SIMC1: variants seen among roughly 807,000 people sequenced by gnomAD.
The protein encoded by SIMC1 is SUMO-interacting motif-containing protein 1.
SIMC1 carries 55 observed loss-of-function variants against 82.3 expected under a neutral mutation model. The observed-to-expected ratio is 0.67, with a 90% CI of 0.54 to 0.84. The LOEUF (loss-of-function observed/expected upper bound fraction) is 0.84. Among genes scored for constraint, SIMC1 ranks in the 40% least tolerant of loss-of-function variants. The probability of loss-of-function intolerance (pLI) is 0.00; values close to 1 mark genes in which losing one functional copy is unlikely to be tolerated. For missense variants in SIMC1, 915 were observed against 1,107.2 expected, an observed-to-expected ratio of 0.83 and a Z score of 2.46; for synonymous variants, 353 against 426.3, an observed-to-expected ratio of 0.83 and a Z score of 2.12.
intron 7 of SIMC1, among the ~76,000 whole-genome samples, chr5:176,331,505 G>A (rs1482344587): frequency 6.6e-6 from 1 of 151,284 alleles, no homozygotes; most frequent in Non-Finnish European, 1.5e-5. Context: ...AGTAGGGAAA[G>A]GGTTTCACCA....
intron 7 of SIMC1, among the ~76,000 whole-genome samples, chr5:176,332,896 CTCT>C (rs1297296754): frequency 6.6e-6 from 1 of 152,132 alleles, no homozygotes; most frequent in Non-Finnish European, 1.5e-5. Flanking sequence ...TCAAGGATTG[CTCT>C]TCTTGCCTTT....
Position 176,289,801 on chromosome 5 carries a change from G to A in SIMC1, c.277G>A (p.Glu93Lys), listed in dbSNP as rs763113347. 2 of 1,613,814 alleles carry A rather than the reference G, an allele frequency of 1.2e-6. No homozygotes were observed. The highest frequency in any genetic ancestry group is 1.7e-6 in the Non-Finnish European group (2 of 1,179,892). The change falls in exon 2 of 10, where the codon GAG (glutamate) becomes AAG (lysine). Residue 93 changes from glutamate to lysine, a missense_variant. By Grantham distance (56) the Glu-to-Lys change is moderately conservative. Transcript: ENST00000429602. The part of the protein sequence containing the change: ...TLEPVTPSQK[E>K]PTSLQTCASL... ...AGAACCTGTCACTCCTTCCCAGAAG[G>A]AGCCAACCAGTCTTCAGACATGTGC...
chr5:176,294,372 C>T (rs1581266400), intron 2 of SIMC1, among the ~76,000 whole-genome samples: 2 of 152,106 alleles, frequency 1.3e-5, no homozygotes, highest in Admixed American at 6.5e-5. Flanking sequence ...CTCCACCTTC[C>T]GGGTTTAAGC....
intron 2 of SIMC1, among the ~76,000 whole-genome samples, chr5:176,293,928 A>AC (rs1191441038): frequency 1.3e-5 from 2 of 152,064 alleles, no homozygotes; most frequent in African/African-American, 2.4e-5. Flanking sequence ...ATAGAAAATC[A>AC]CTTTTCACAT....
intron 7 of SIMC1, among the ~76,000 whole-genome samples, chr5:176,326,344 G>A (rs1051800929): frequency 4.0e-5 from 6 of 151,788 alleles, no homozygotes; most frequent in African/African-American, 9.7e-5. Context: ...CCTACAATGT[G>A]CCAGCCATTG....
chr5:176,274,371 A>C (rs1383203258), intron 1 of SIMC1, among the ~76,000 whole-genome samples: 1 of 150,632 alleles, frequency 6.6e-6, no homozygotes, highest in Admixed American at 6.6e-5. Flanking sequence ...TTTCTTGTAA[A>C]TTTGCTTGAG....
chr5:176,325,420 T>A (rs1328026798), intron 7 of SIMC1, among the ~76,000 whole-genome samples: 1 of 150,856 alleles, frequency 6.6e-6, no homozygotes, highest in East Asian at 1.9e-4. Context: ...CTGTGGTGGC[T>A]CACACCTGTA....
chr5:176,262,504 GAAGAA>G (rs1409417361), intron 1 of SIMC1, among the ~76,000 whole-genome samples: 1 of 152,088 alleles, frequency 6.6e-6, no homozygotes, highest in African/African-American at 2.4e-5. Context: ...AAAGAAAACA[GAAGAA>G]AAGAAAGATA....
intron 4 of SIMC1, chr5:176,312,934 G>A (rs1249963554): frequency 6.5e-6 from 1 of 153,456 alleles, no homozygotes; most frequent in Non-Finnish European, 1.5e-5. Context: ...TCTTTGGTAA[G>A]GTTAGAATTA....
intron 1 of SIMC1, among the ~76,000 whole-genome samples, chr5:176,268,900 C>G (rs1483627207): frequency 1.3e-5 from 2 of 152,098 alleles, no homozygotes; most frequent in African/African-American, 4.8e-5. Flanking sequence ...GAAGATTCAC[C>G]AGGGTAGGCT....
chr5:176,324,798 AAAAAC>A (rs1289964683), intron 7 of SIMC1, 41 bp downstream of exon 7: 2 of 1,503,296 alleles, frequency 1.3e-6, no homozygotes, highest in African/African-American at 2.8e-5. Flanking sequence ...TATTTAAAAA[AAAAAC>A]AAAAAAAACT....
chr5:176,303,623 C>T (rs1764139955), intron 4 of SIMC1, among the ~76,000 whole-genome samples: 1 of 152,154 alleles, frequency 6.6e-6, no homozygotes, highest in Non-Finnish European at 1.5e-5. Context: ...CCCGGCCAGT[C>T]AAAGCAATCT....
intron 7 of SIMC1, among the ~76,000 whole-genome samples, chr5:176,330,422 C>T (rs1765598236): frequency 6.7e-6 from 1 of 149,662 alleles, no homozygotes; most frequent in East Asian, 1.9e-4. Flanking sequence ...AAAAAGGGAA[C>T]CAGAATTCCT....
At chr5:176,276,426 C>G (rs1041238100) in intron 1 of SIMC1, among the ~76,000 whole-genome samples, 10 of 150,156 alleles carry the variant, frequency 6.7e-5, no homozygotes, top group Middle Eastern at 3.2e-3. Context: ...AAAACCAGAT[C>G]CTGGATTCAT....
chr5:176,245,760 G>C (rs1761415155), intron 1 of SIMC1, among the ~76,000 whole-genome samples: 1 of 152,152 alleles, frequency 6.6e-6, no homozygotes, highest in Admixed American at 6.5e-5. Flanking sequence ...GGAGGTAAAG[G>C]AAGGCAAAAG....
chr5:176,345,496 A>G lies in SIMC1; in HGVS notation c.*51A>G. The stretch of plus-strand genomic sequence containing the variant: ...GAATACCTCCTGAACTCTCTCTCCA[A>G]CTGCTCAGAAGCTCTAAAAGCATGA... On this transcript the variant is annotated 3_prime_UTR_variant, in exon 10 of 10. Coordinates refer to ENST00000429602, the MANE Select transcript of SIMC1 (RefSeq NM_001308195.2). 1 of 1,555,298 alleles carries G rather than the reference A, an allele frequency of 6.4e-7. No homozygotes were observed. The highest frequency in any genetic ancestry group is 1.2e-5 in the South Asian group (1 of 81,442).
chr5:176,241,873 G>A (rs1761286680), intron 1 of SIMC1, among the ~76,000 whole-genome samples: 1 of 151,708 alleles, frequency 6.6e-6, no homozygotes, highest in African/African-American at 2.4e-5. Context: ...TGAAATAGGG[G>A]ACAACCACAG....
chr5:176,262,502 C>T (rs974459668), intron 1 of SIMC1, among the ~76,000 whole-genome samples: 3 of 152,162 alleles, frequency 2.0e-5, no homozygotes, highest in African/African-American at 7.2e-5. Flanking sequence ...AAAAAGAAAA[C>T]AGAAGAAAAG....
intron 7 of SIMC1, among the ~76,000 whole-genome samples, chr5:176,333,637 C>T (rs1765765664): frequency 6.6e-6 from 1 of 152,152 alleles, no homozygotes; most frequent in Non-Finnish European, 1.5e-5. Context: ...ACCGTGTTGG[C>T]CAGGCTGGTC....
Sources: gnomAD v4.1 joint callset for allele counts (sites outside exome capture counted in the v4.1 genomes callset) on GRCh38, gnomAD v4.1.1 for gene constraint, MANE v1.5 for transcripts, NCBI Gene and HGNC (gene_info 2026-07-23, HGNC 2026-07-21) for gene names.